Variants in HIP1 observed in about 807,000 individuals in gnomAD.
HIP1 encodes the protein huntingtin interacting protein 1.
Under a neutral mutation model 147.6 loss-of-function variants are expected in HIP1, and 65 were observed. That is an observed-to-expected ratio of 0.44 (90% CI 0.36 to 0.54). The LOEUF is 0.54. Among genes scored for constraint, HIP1 ranks in the 20% least tolerant of loss-of-function variants. The pLI, the probability that HIP1 is intolerant of heterozygous loss-of-function variation, is 0.00. For missense variants in HIP1, 1,061 were observed against 1,299.6 expected, an observed-to-expected ratio of 0.82 and a Z score of 2.82; for synonymous variants, 479 against 504.0, an observed-to-expected ratio of 0.95 and a Z score of 0.67.
In HIP1 at chr7:75,586,621, A is replaced by C. The variant is rs138930229; in HGVS notation, c.465+132T>G. ...CTTTCCTCTCTCACAGCTTGGGTAC[A>C]TGATGTGCACACTTCCTCAGAAGCC... is the stretch of plus-strand genomic sequence containing the variant. On this transcript the variant is annotated intron_variant, in intron 5 of 30. Transcript: ENST00000336926. 2.6e-4 allele frequency: 176 copies of C among 665,634 alleles called. 1 individual carries two copies. In the East Asian group the frequency reaches 4.8e-3, roughly 18 times the overall value. The allele number at this position is 665,634 out of a possible 1,614,324, so 41.2% of individuals were successfully genotyped here.
Position 75,676,707 on chromosome 7 carries a change from C to T in HIP1, c.120+62094G>A, listed in dbSNP as rs139876929. ...AGAAGAATCGCTTGAACCCAGGAGG[C>T]GGAGGTTGCAGTGGGCCGAGATCGT... On this transcript the variant is annotated intron_variant, in intron 1 of 30. Coordinates refer to ENST00000336926, the MANE Select transcript of HIP1 (RefSeq NM_005338.7). Among the ~76,000 whole-genome samples the T allele has an allele frequency of 4.4e-3, 656 of 150,148 alleles. 3 individuals are homozygous for T. Among genetic ancestry groups the T allele is most frequent in the Non-Finnish European group, 7.3e-3 (493 of 67,742 alleles).
At chr7:75,730,234 A>G (rs946172871) in intron 1 of HIP1, among the ~76,000 whole-genome samples, 1 of 152,072 alleles carries the variant, frequency 6.6e-6, no homozygotes, top group Non-Finnish European at 1.5e-5. Flanking sequence ...GGGGACCCCA[A>G]GCATAAGGAG....
intron 30 of HIP1, 151 bp from the exon 31 acceptor site, chr7:75,538,375 G>A: frequency 1.4e-6 from 1 of 690,386 alleles, no homozygotes; most frequent in Non-Finnish European, 2.6e-6. Flanking sequence ...GTCTAGGAAT[G>A]ACTAGGATCT....
chr7:75,732,384 T>G (rs1801863713), intron 1 of HIP1, among the ~76,000 whole-genome samples: 1 of 152,154 alleles, frequency 6.6e-6, no homozygotes, highest in Non-Finnish European at 1.5e-5. Context: ...TGTGTTGTTT[T>G]TCCTTTTACA....
intron 16 of HIP1, among the ~76,000 whole-genome samples, chr7:75,557,365 C>A (rs1342603548): frequency 1.3e-5 from 2 of 152,064 alleles, no homozygotes; most frequent in African/African-American, 4.8e-5. Context: ...AAAAAACGCT[C>A]ATCCCTCTCT....
At chr7:75,619,256 C>G (rs782276711) in intron 1 of HIP1, among the ~76,000 whole-genome samples, 1 of 152,158 alleles carries the variant, frequency 6.6e-6, no homozygotes, top group Non-Finnish European at 1.5e-5. Flanking sequence ...GGCACAGTGG[C>G]TCATGCCTGT....
At chr7:75,705,829 C>A (rs1039270093) in intron 1 of HIP1, among the ~76,000 whole-genome samples, 1 of 152,176 alleles carries the variant, frequency 6.6e-6, no homozygotes, top group Non-Finnish European at 1.5e-5. Context: ...GCCTTCAATT[C>A]TTTTGGGTGT....
chr7:75,570,941 T>C (rs1677180420), intron 8 of HIP1, among the ~76,000 whole-genome samples: 1 of 151,970 alleles, frequency 6.6e-6, no homozygotes, highest in African/African-American at 2.4e-5. Context: ...ACCTGGGAGA[T>C]GGAGGTTGCA....
chr7:75,684,216 G>GCGGA (rs1800182663), intron 1 of HIP1, among the ~76,000 whole-genome samples: 1 of 151,838 alleles, frequency 6.6e-6, no homozygotes, highest in Non-Finnish European at 1.5e-5. Context: ...GGAGGCCAAG[G>GCGGA]TAGGTGGATC....
chr7:75,550,297 T>C (rs587617282), intron 22 of HIP1, among the ~76,000 whole-genome samples: 1 of 152,324 alleles, frequency 6.6e-6, no homozygotes, highest in African/African-American at 2.4e-5. Context: ...GTAAGAAACA[T>C]CAATACCTTT....
chr7:75,556,938 C>T (rs1052132446), intron 16 of HIP1, 127 bp from the exon 17 acceptor site: 36 of 585,376 alleles, frequency 6.1e-5, no homozygotes, highest in Non-Finnish European at 1.0e-4. Flanking sequence ...TTACACCCCC[C>T]CAAAAAAGTG....
intron 1 of HIP1, among the ~76,000 whole-genome samples, chr7:75,672,053 T>C (rs1470627030): frequency 2.0e-5 from 3 of 152,214 alleles, no homozygotes; most frequent in Admixed American, 2.0e-4. Flanking sequence ...TGTTTTTCTA[T>C]AGTAGCCATC....
chr7:75,675,734 A>G (rs2705811), intron 1 of HIP1, among the ~76,000 whole-genome samples: 85,802 of 151,762 alleles, frequency 0.57, 24,746 homozygotes, highest in African/African-American at 0.66. Flanking sequence ...ATCCCAGGAC[A>G]TTGGGAGGTC....
intron 1 of HIP1, among the ~76,000 whole-genome samples, chr7:75,676,325 G>A (rs1799885413): frequency 6.6e-6 from 1 of 152,174 alleles, no homozygotes; most frequent in Non-Finnish European, 1.5e-5. Context: ...TAGCCAGGCA[G>A]TTTCTAACTC....
At position 75,735,310 on chromosome 7, in the gene HIP1, G is replaced by T. The variant is rs568525543; in HGVS notation, c.120+3491C>A. 2.6e-4 allele frequency among the ~76,000 whole-genome samples: 40 copies of T among 152,286 alleles called. No individual in the cohort carries two copies. The South Asian group carries it at 8.3e-3, about 32-fold the overall frequency. On this transcript the variant is annotated intron_variant, in intron 1 of 30. Coordinates refer to ENST00000336926, the MANE Select transcript of HIP1 (RefSeq NM_005338.7). ...TGGGTAAAGGTTGAGACCGTTTCCA[G>T]CTGTGTGACTTCTGGTGAGTTACTT...
At chr7:75,696,604 C>A (rs1194238297) in intron 1 of HIP1, among the ~76,000 whole-genome samples, 1 of 130,178 alleles carries the variant, frequency 7.7e-6, no homozygotes, top group Non-Finnish European at 1.6e-5. Context: ...CCCCTCTGCT[C>A]CCCTTCCCTT....
chr7:75,603,955 C>T (rs1797116106), intron 1 of HIP1, among the ~76,000 whole-genome samples: 1 of 152,202 alleles, frequency 6.6e-6, no homozygotes. Flanking sequence ...CAGTACTTCT[C>T]TCCTATGGAG....
chr7:75,676,780 G>A (rs200847051), intron 1 of HIP1, among the ~76,000 whole-genome samples: 11 of 143,224 alleles, frequency 7.7e-5, no homozygotes, highest in East Asian at 2.2e-4. Context: ...CCATCTCAAA[G>A]AAAAAAAAAA....
At chr7:75,577,561 C>G (rs1295388946) in intron 7 of HIP1, among the ~76,000 whole-genome samples, 3 of 152,150 alleles carry the variant, frequency 2.0e-5, no homozygotes, top group African/African-American at 7.2e-5. Flanking sequence ...AGCCACTGCA[C>G]CTGGTAGCCT....
Sources: allele counts gnomAD v4.1 joint callset (sites outside exome capture counted in the v4.1 genomes callset), GRCh38; gene constraint gnomAD v4.1.1; transcripts MANE v1.5; gene names NCBI Gene and HGNC (gene_info 2026-07-23, HGNC 2026-07-21).